PARP12: variants seen among roughly 807,000 people sequenced by gnomAD.
PARP12 encodes protein mono-ADP-ribosyltransferase PARP12.
PARP12 carries 59 observed loss-of-function variants against 72.4 expected under a neutral mutation model. That is an observed-to-expected ratio of 0.81 (90% CI 0.66 to 1.01). The LOEUF (loss-of-function observed/expected upper bound fraction) is 1.01, where lower values mean the gene tolerates loss of function less well. Among genes scored for constraint, PARP12 ranks in the 50% least tolerant of loss-of-function variants. The probability of loss-of-function intolerance (pLI) is 0.00; values close to 1 mark genes in which losing one functional copy is unlikely to be tolerated. For synonymous variants in PARP12, 403 were observed against 371.4 expected (o/e 1.09, Z -0.98); for missense variants, 851 against 914.0 (o/e 0.93, Z 0.89).
chr7:140,040,000 T>C (rs746127135), intron 6 of PARP12, among the ~76,000 whole-genome samples: 3 of 152,156 alleles, frequency 2.0e-5, no homozygotes, highest in African/African-American at 4.8e-5. Flanking sequence ...ACCAGAGCTG[T>C]GATGAGACAC....
chr7:140,027,351 T>C lies in PARP12; in HGVS notation c.1553A>G (p.Asn518Ser), dbSNP rs1274717930. Residue 518 changes from asparagine (N) to serine (S), a missense_variant, in exon 10 of 12, where the codon AAC (asparagine) becomes AGC (serine). By Grantham distance (46) the Asn-to-Ser change is conservative (BLOSUM62 1). This residue lies in a region of PARP12 where 347 missense variants were observed against 396.1 expected (regional missense o/e 0.88). Transcript: ENST00000263549. ...EEYQKVWNLF[N>S]RTLPFYFVQK... ...AACAAAGTAGAAAGGCAGCGTGCGG[T>C]TAAAGAGGTTCCAGACCTTCTGATA... 6.2e-7 allele frequency: 1 copy of C among 1,613,928 alleles called. No individual in the cohort carries two copies. The highest frequency in any genetic ancestry group is 8.5e-7 in the Non-Finnish European group (1 of 1,179,978).
intron 8 of PARP12, chr7:140,028,899 C>T (rs2116518571): frequency 4.9e-6 from 2 of 407,692 alleles, no homozygotes; most frequent in East Asian, 1.2e-4. Context: ...CCAAACAGTC[C>T]TGAGAGATCT....
intron 6 of PARP12, among the ~76,000 whole-genome samples, chr7:140,040,928 T>A (rs997896003): frequency 6.6e-6 from 1 of 152,122 alleles, no homozygotes; most frequent in Non-Finnish European, 1.5e-5. Context: ...CCACCACACC[T>A]GGCCAATTTT....
At chr7:140,045,177 G>A (rs542783914) in intron 5 of PARP12, among the ~76,000 whole-genome samples, 36 of 152,108 alleles carry the variant, frequency 2.4e-4, no homozygotes, top group East Asian at 1.4e-3. Flanking sequence ...CTACAGGCAC[G>A]CGCCACCATG....
rs1816279112 is a variant in PARP12, at chr7:140,037,858, T to C, written c.1183-2A>G. The C allele has an allele frequency of 1.9e-6, 3 of 1,603,088 alleles. No individual in the cohort carries two copies. Among genetic ancestry groups the C allele is most frequent in the Non-Finnish European group, 2.6e-6 (3 of 1,171,050 alleles). ...AGTGGTCACAGGGTGCACCGTGCCC[T>C]GCGATGGAAAGCCAGACACTTTATG... On this transcript the variant is annotated splice_acceptor_variant, in intron 6 of 11. Transcript: ENST00000263549. LOFTEE classifies it high-confidence loss of function.
intron 7 of PARP12, among the ~76,000 whole-genome samples, chr7:140,035,481 T>G (rs975048851): frequency 1.3e-5 from 2 of 152,250 alleles, no homozygotes; most frequent in Non-Finnish European, 2.9e-5. Context: ...GTCTTTTCCC[T>G]AATTTACCCT....
intron 8 of PARP12, chr7:140,033,498 T>C (rs1006131539): frequency 2.0e-6 from 2 of 985,340 alleles, no homozygotes; most frequent in African/African-American, 3.5e-5. Flanking sequence ...GTATGGGCAC[T>C]GTGGTCCCTC....
rs541155302 is a variant in PARP12 at position 140,043,712 on chromosome 7, TG to T, written c.987-1874del. On this transcript the variant is annotated intron_variant, in intron 5 of 11. Coordinates refer to ENST00000263549, the MANE Select transcript of PARP12 (RefSeq NM_022750.4). ...CGCCCAGCTAATTTTTGTATTTTTTTGTGCAGACAGAGTTTCACCATGTTGG... is the reference window on the plus strand; with the variant it reads ...CGCCCAGCTAATTTTTGTATTTTTTTTGCAGACAGAGTTTCACCATGTTGG... Among the ~76,000 whole-genome samples, 245 of 152,220 alleles carry T rather than the reference TG, an allele frequency of 1.6e-3. 1 individual carries two copies. Among genetic ancestry groups the T allele is most frequent in the Non-Finnish European group, 3.1e-3 (209 of 67,986 alleles).
At chr7:140,060,318 G>A (rs1161200014) in intron 1 of PARP12, among the ~76,000 whole-genome samples, 1 of 152,166 alleles carries the variant, frequency 6.6e-6, no homozygotes, top group Non-Finnish European at 1.5e-5. Context: ...TAAGAGTCAG[G>A]CACCCAGGAC....
At chr7:140,037,622 C>A (rs1816261384) in intron 7 of PARP12, 93 bp downstream of exon 7, 2 of 1,545,396 alleles carry the variant, frequency 1.3e-6, no homozygotes, top group East Asian at 2.3e-5. Context: ...CACCCAGGCC[C>A]TCAGTATGTG....
chr7:140,041,845 GAAGA>G lies in PARP12; in HGVS notation c.987-10_987-7del. On this transcript the variant is annotated splice_polypyrimidine_tract_variant and splice_region_variant and intron_variant, in intron 5 of 11. Transcript: ENST00000263549. ...CTGACTCAGAGCACAGGATCCTACA[GAAGA>G]AAAACAGCAGCAGACTGAAAATCCC... 6.2e-7 allele frequency: 1 copy of G among 1,605,526 alleles called. No individual in the cohort carries two copies. The highest frequency in any genetic ancestry group is 1.3e-5 in the African/African-American group (1 of 74,722).
Position 140,034,270 on chromosome 7 carries a change from G to A in PARP12, c.1386C>T (p.Tyr462=), listed in dbSNP as rs777810597. Residue 462 remains tyrosine (Y), a synonymous_variant, in exon 8 of 12, where the codon TAC becomes TAT. Transcript: ENST00000263549. ...TTKKVCRRPK[Y]VSPQDVTTMQ... The stretch of plus-strand genomic sequence containing the variant: ...TGGTCGTCACATCCTGGGGAGACAC[G>A]TATTTGGGTCTGCGGCAAACCTTTT... 51 of 1,613,060 alleles carry A rather than the reference G, an allele frequency of 3.2e-5. No individual in the cohort carries two copies. The highest frequency in any genetic ancestry group is 3.6e-5 in the Non-Finnish European group (43 of 1,179,448).
chr7:140,053,617 A>G (rs1027416947), intron 4 of PARP12, among the ~76,000 whole-genome samples: 1 of 152,182 alleles, frequency 6.6e-6, no homozygotes, highest in Non-Finnish European at 1.5e-5. Flanking sequence ...CAGAATACAC[A>G]TATATATGTG....
chr7:140,037,629 T>C lies in PARP12; in HGVS notation c.1324+86A>G, dbSNP rs1390691923. On this transcript the variant is annotated intron_variant, in intron 7 of 11. Coordinates refer to ENST00000263549, the MANE Select transcript of PARP12 (RefSeq NM_022750.4). Reference sequence around the variant, plus strand: ...CCTGTACCCACCCAGGCCCTCAGTATGTGCACACGGCTCCTCCAGGGTTAA... The same window carrying C: ...CCTGTACCCACCCAGGCCCTCAGTACGTGCACACGGCTCCTCCAGGGTTAA... 5.1e-6 allele frequency: 8 copies of C among 1,558,108 alleles called. No homozygotes were observed. The East Asian group carries it at 1.8e-4, about 35-fold the overall frequency.
chr7:140,038,298 T>TC, intron 6 of PARP12: 1 of 985,420 alleles, frequency 1.0e-6, no homozygotes, highest in Non-Finnish European at 1.2e-6. Context: ...CTTGCGGTTT[T>TC]CTTTTTCTGG....
intron 8 of PARP12, chr7:140,033,907 T>TC: frequency 2.0e-6 from 2 of 1,002,820 alleles, no homozygotes; most frequent in Non-Finnish European, 2.4e-6. Context: ...TTTAAAAAAT[T>TC]CAAGTCTATG....
chr7:140,054,226 T>C (rs555907668), intron 4 of PARP12, among the ~76,000 whole-genome samples: 1 of 152,234 alleles, frequency 6.6e-6, no homozygotes, highest in Non-Finnish European at 1.5e-5. Flanking sequence ...AAACCCCAAT[T>C]TAAACAACTA....
At position 140,037,610 on chromosome 7, in the gene PARP12, C is replaced by T. The variant is rs1188689771; in HGVS notation, c.1324+105G>A. On this transcript the variant is annotated intron_variant, in intron 7 of 11. Transcript: ENST00000263549. The stretch of plus-strand genomic sequence containing the variant: ...TGGTACCTTGCTTTTCTTTCCTGTA[C>T]CCACCCAGGCCCTCAGTATGTGCAC... 11 of 1,509,634 alleles carry T rather than the reference C, an allele frequency of 7.3e-6. 1 individual carries two copies. In the East Asian group the frequency reaches 9.2e-5, roughly 13 times the overall value. 93.5% of individuals were successfully genotyped at this position (1,509,634 alleles called of 1,614,324 possible).
At chr7:140,054,581 G>T (rs1361208991) in intron 4 of PARP12, 81 bp downstream of exon 4, 75 of 1,189,876 alleles carry the variant, frequency 6.3e-5, no homozygotes, top group Non-Finnish European at 8.5e-5. Context: ...TTTGGTAGGG[G>T]GTGACTTCAG....
Sources: allele counts gnomAD v4.1 joint callset (sites outside exome capture counted in the v4.1 genomes callset), GRCh38; gene constraint gnomAD v4.1.1; regional missense constraint gnomAD v4.1.1; transcripts MANE v1.5; gene names NCBI Gene and HGNC (gene_info 2026-07-23, HGNC 2026-07-21).